Variants in NFRKB observed in about 807,000 individuals in gnomAD.
NFRKB encodes nuclear factor related to kappaB binding protein.
A neutral mutation model predicts 135.7 loss-of-function variants in NFRKB; 62 were observed. The ratio of observed to expected loss-of-function variants is 0.46; its 90% CI spans 0.37 to 0.56. The LOEUF (loss-of-function observed/expected upper bound fraction) is 0.56. Among genes scored for constraint, NFRKB ranks in the 20% least tolerant of loss-of-function variants. The pLI is 0.00. For missense variants in NFRKB, 1,545 were observed against 1,662.0 expected, an observed-to-expected ratio of 0.93 and a Z score of 1.22; for synonymous variants, 678 against 635.6, an observed-to-expected ratio of 1.07 and a Z score of -1.00.
Position 129,885,451 on chromosome 11 carries a change from C to G in NFRKB, c.624G>C (p.Leu208=). Residue 208 remains leucine (L), a synonymous_variant, in exon 6 of 27, where the codon CTG becomes CTC. Transcript: ENST00000682444. ...EVKEECGDTA[L]SSDEEDLSSW... is the part of the protein sequence containing the mutation. ...GACACTCACCCTCTTCATCAGATGA[C>G]AGGGCTGTGTCACCACACTCCTCTT... 6.2e-7 allele frequency: 1 copy of G among 1,611,474 alleles called. No homozygotes were observed. Among genetic ancestry groups the G allele is most frequent in the Non-Finnish European group, 8.5e-7 (1 of 1,177,950 alleles).
At chr11:129,868,293 G>A (rs1421236935) in intron 24 of NFRKB, among the ~76,000 whole-genome samples, 3 of 152,162 alleles carry the variant, frequency 2.0e-5, no homozygotes. Flanking sequence ...AAAGGAAAGT[G>A]GCAAAGATTT....
rs141161275 is a variant in NFRKB, at chr11:129,868,746, C to T, written c.3531+748G>A. 3.9e-4 allele frequency among the ~76,000 whole-genome samples: 60 copies of T among 152,252 alleles called. No homozygotes were observed. The East Asian group carries it at 8.1e-3, about 21-fold the overall frequency. On this transcript the variant is annotated intron_variant, in intron 24 of 26. Coordinates refer to ENST00000682444, the MANE Select transcript of NFRKB (RefSeq NM_001143835.2). ...AGACATTTCTAAAAAATAAATAAAGCGGCCGTGGGCGGTGACTCACGCCTG... is the reference window on the plus strand; with the variant it reads ...AGACATTTCTAAAAAATAAATAAAGTGGCCGTGGGCGGTGACTCACGCCTG...
At chr11:129,872,435 C>T (rs577375113) in intron 23 of NFRKB, among the ~76,000 whole-genome samples, 3 of 152,280 alleles carry the variant, frequency 2.0e-5, no homozygotes, top group East Asian at 1.9e-4. Flanking sequence ...AAATGCTTAA[C>T]GCGGTGCAGG....
chr11:129,885,714 C>G (rs904530627), intron 5 of NFRKB, 105 bp from the exon 6 acceptor site: 2 of 985,152 alleles, frequency 2.0e-6, no homozygotes, highest in Middle Eastern at 2.2e-4. Flanking sequence ...TTAAGCCCAA[C>G]TCCCTCCCTC....
intron 3 of NFRKB, among the ~76,000 whole-genome samples, chr11:129,891,542 G>A (rs150061771): frequency 5.6e-4 from 85 of 152,188 alleles, no homozygotes; most frequent in Non-Finnish European, 9.7e-4. Flanking sequence ...TGGGGTGAAC[G>A]ACCCCCAGGC....
chr11:129,878,211 T>C (rs143498552), intron 15 of NFRKB, 98 bp downstream of exon 15: 15 of 1,318,028 alleles, frequency 1.1e-5, no homozygotes, highest in Non-Finnish European at 1.6e-5. Context: ...CTGAAGCCCA[T>C]TACAGCTCTA....
Position 129,888,631 on chromosome 11 carries a change from A to G in NFRKB, c.300T>C (p.Phe100=), listed in dbSNP as rs374301781. ...LALFSGENFR[F]GNPLHIAQKL... is the part of the protein sequence containing the mutation. ...TCTGGGCAATGTGCAGAGGGTTTCCAAAGCGGAAGTTCTCCCCACTGAACA... is the reference window on the plus strand; with the variant it reads ...TCTGGGCAATGTGCAGAGGGTTTCCGAAGCGGAAGTTCTCCCCACTGAACA... The change falls in exon 4 of 27, where the codon TTT becomes TTC. Residue 100 remains phenylalanine (F), a synonymous_variant. Transcript: ENST00000682444. 8.3e-5 allele frequency: 134 copies of G among 1,614,084 alleles called. No individual in the cohort carries two copies. Among genetic ancestry groups the G allele is most frequent in the Middle Eastern group, 4.9e-4 (3 of 6,084 alleles).
intron 3 of NFRKB, among the ~76,000 whole-genome samples, chr11:129,889,111 A>G (rs533430022): frequency 5.2e-4 from 79 of 151,948 alleles, no homozygotes; most frequent in Middle Eastern, 6.9e-3. Flanking sequence ...ACAGGTGCGC[A>G]CCACCACGCC....
chr11:129,892,594 A>G, intron 3 of NFRKB, 121 bp downstream of exon 3: 1 of 991,458 alleles, frequency 1.0e-6, no homozygotes, highest in Non-Finnish European at 1.5e-6. Context: ...GGCTGCCTGC[A>G]ATGTAGAAAA....
chr11:129,865,056 T>C lies in NFRKB; in HGVS notation c.3684A>G (p.Ala1228=), dbSNP rs145533491. The C allele has an allele frequency of 3.7e-6, 6 of 1,612,516 alleles. No homozygotes were observed. Among genetic ancestry groups the C allele is most frequent in the Non-Finnish European group, 4.2e-6 (5 of 1,179,810 alleles). ...GRNIILTTMP[A]GTKLIAGNKP... is the part of the protein sequence containing the mutation. ...TATTGCCAGCAATGAGCTTAGTGCC[T>C]GCTGGCATAGTTGTGAGGATGATGT... The change falls in exon 26 of 27, where the codon GCA becomes GCG. Residue 1228 remains alanine, a synonymous_variant. Transcript: ENST00000682444.
chr11:129,869,759 C>T lies in NFRKB; in HGVS notation c.3266G>A (p.Arg1089His), dbSNP rs377268467. The T allele has an allele frequency of 1.2e-5, 19 of 1,614,240 alleles. No homozygotes were observed. Among genetic ancestry groups the T allele is most frequent in the Non-Finnish European group, 1.4e-5 (17 of 1,180,036 alleles). ...SSEAKPAATI[R>H]IVQGLGVMPP... ...CATCACTCCCAGTCCCTGCACGATGCGGATCGTGGCAGCTGGTTTTGCTTC... is the reference window on the plus strand; with the variant it reads ...CATCACTCCCAGTCCCTGCACGATGTGGATCGTGGCAGCTGGTTTTGCTTC... Residue 1089 changes from arginine to histidine, a missense_variant, in exon 24 of 27, where the codon CGC becomes CAC. Around this residue, in one of 3 missense-constraint regions of NFRKB, gnomAD observed 753 missense variants for 804.3 expected, o/e 0.94. Coordinates refer to ENST00000682444, the MANE Select transcript of NFRKB (RefSeq NM_001143835.2).
At chr11:129,890,029 G>GGT (rs570845826) in intron 3 of NFRKB, among the ~76,000 whole-genome samples, 2 of 134,250 alleles carry the variant, frequency 1.5e-5, no homozygotes, top group Non-Finnish European at 3.1e-5. Context: ...GGGTTTTTTT[G>GGT]TTTTTTTTTT....
Position 129,875,350 on chromosome 11 carries a change from G to C in NFRKB, c.1854+7C>G, listed in dbSNP as rs181761828. 6.2e-7 allele frequency: 1 copy of C among 1,601,822 alleles called. No homozygotes were observed. The highest frequency in any genetic ancestry group is 2.2e-5 in the East Asian group (1 of 44,772). On this transcript the variant is annotated splice_region_variant and intron_variant, in intron 18 of 26. Coordinates refer to ENST00000682444, the MANE Select transcript of NFRKB (RefSeq NM_001143835.2). Reference sequence around the variant, plus strand: ...ACAAAGCAAAAGTAATCTCTTCTCCGTCCTACCTGAGTGCTGGTGACATCT... The same window carrying C: ...ACAAAGCAAAAGTAATCTCTTCTCCCTCCTACCTGAGTGCTGGTGACATCT...
chr11:129,877,460 C>A, intron 15 of NFRKB, 75 bp from the exon 16 acceptor site: 1 of 1,325,562 alleles, frequency 7.5e-7, no homozygotes, highest in Non-Finnish European at 1.1e-6. Flanking sequence ...GCTTCAGAAC[C>A]ATTCCCACTG....
intron 24 of NFRKB, among the ~76,000 whole-genome samples, chr11:129,867,358 C>G (rs893527253): frequency 2.9e-5 from 4 of 137,684 alleles, no homozygotes; most frequent in Non-Finnish European, 4.6e-5. Context: ...CAGAGTCTTG[C>G]TCTGCCATCC....
Position 129,869,573 on chromosome 11 carries a change from G to T in NFRKB, c.3452C>A (p.Thr1151Asn). The T allele has an allele frequency of 6.2e-7, 1 of 1,614,184 alleles. No homozygotes were observed. The highest frequency in any genetic ancestry group is 8.5e-7 in the Non-Finnish European group (1 of 1,180,046). Reference protein sequence around the residue: ...TVAVASGAASTPISISTGAPT... With the variant: ...TVAVASGAASNPISISTGAPT... Reference sequence around the variant, plus strand: ...GGCTCCTGTGCTGATGCTGATGGGGGTGCTTGCAGCCCCAGAAGCCACAGC... The same window carrying T: ...GGCTCCTGTGCTGATGCTGATGGGGTTGCTTGCAGCCCCAGAAGCCACAGC... The change falls in exon 24 of 27, where the codon ACC (threonine) becomes AAC (asparagine). Residue 1151 changes from threonine (T) to asparagine (N), a missense_variant. Coordinates refer to ENST00000682444, the MANE Select transcript of NFRKB (RefSeq NM_001143835.2).
At chr11:129,887,934 G>A (rs1949356982) in intron 4 of NFRKB, among the ~76,000 whole-genome samples, 1 of 152,220 alleles carries the variant, frequency 6.6e-6, no homozygotes, top group Admixed American at 6.5e-5. Flanking sequence ...CTACTAGGGA[G>A]GCTGAGGCAG....
Position 129,864,628 on chromosome 11 carries a change from A to G in NFRKB, c.*97T>C. ...CATCACCCCTCGCCTGGCTGCCTTG[A>G]ACAGGCAAGCTTAAAACAATGATGC... On this transcript the variant is annotated 3_prime_UTR_variant, in exon 27 of 27. Coordinates refer to ENST00000682444, the MANE Select transcript of NFRKB (RefSeq NM_001143835.2). The G allele has an allele frequency of 6.4e-7, 1 of 1,552,312 alleles. No homozygotes were observed. The highest frequency in any genetic ancestry group is 8.8e-7 in the Non-Finnish European group (1 of 1,139,358).
In NFRKB at chr11:129,883,069, G is replaced by A. The variant is rs113400618; in HGVS notation, c.901+53C>T. On this transcript the variant is annotated intron_variant, in intron 9 of 26. Coordinates refer to ENST00000682444, the MANE Select transcript of NFRKB (RefSeq NM_001143835.2). ...TATTTTTGCCATGTTATGGGCTCAC[G>A]CAACTTAACACCATAGTCAGATGAA... is the stretch of plus-strand genomic sequence containing the variant. 27 of 1,540,474 alleles carry A rather than the reference G, an allele frequency of 1.8e-5. No individual in the cohort carries two copies. The African/African-American group carries it at 2.7e-4, about 16-fold the overall frequency.
Sources: gnomAD v4.1 joint callset for allele counts (sites outside exome capture counted in the v4.1 genomes callset) on GRCh38, gnomAD v4.1.1 for gene constraint, gnomAD v4.1.1 regional missense constraint, MANE v1.5 for transcripts, NCBI Gene and HGNC (gene_info 2026-07-23, HGNC 2026-07-21) for gene names.